Variants in STAB2 observed in about 807,000 individuals in gnomAD.
The protein encoded by STAB2 is stabilin-2.
STAB2 carries 288 observed loss-of-function variants against 338.1 expected under a neutral mutation model. The ratio of observed to expected loss-of-function variants is 0.85; its 90% CI spans 0.77 to 0.94. The LOEUF (loss-of-function observed/expected upper bound fraction) is 0.94, where lower values mean the gene tolerates loss of function less well. Among genes scored for constraint, STAB2 ranks in the 40% least tolerant of loss-of-function variants. The pLI is 0.00. For missense variants in STAB2, 3,141 were observed against 3,210.1 expected (o/e 0.98, Z 0.52); for synonymous variants, 1,202 against 1,193.3 (o/e 1.01, Z -0.15).
chr12:103,637,220 TG>T lies in STAB2; in HGVS notation c.695del (p.Gly232AlafsTer91). 1 of 1,611,774 alleles carries T rather than the reference TG, an allele frequency of 6.2e-7. No individual in the cohort carries two copies. ...AATGCCTTCCCAATTACCGAGGCGA[TG>T]GCAAATACTGCGACCGTGAGTAGAA... Reference protein sequence around the residue: ...CKCLPNYRGDGKYCDPINPCL... With the variant: ...CKCLPNYRGDXKYCDPINPCL... On this transcript the variant is annotated frameshift_variant, in exon 7 of 69. Transcript: ENST00000388887. LOFTEE classifies it high-confidence loss of function.
In STAB2 at chr12:103,733,036, C is replaced by G. The variant is rs1475882776; in HGVS notation, c.5314C>G (p.Pro1772Ala). Residue 1772 changes from proline (P) to alanine (A), a missense_variant, in exon 51 of 69, where the codon CCC becomes GCC. Transcript: ENST00000388887. ...AGGTTTGCTGAGTGTCATCACCGAT[C>G]CCATCCACACCCCAGTCACTCTCTT... ...DSGLLSVITDPIHTPVTLFWP... is the reference protein window; with the variant it reads ...DSGLLSVITDAIHTPVTLFWP... 1 of 1,613,906 alleles carries G rather than the reference C, an allele frequency of 6.2e-7. No individual in the cohort carries two copies. The highest frequency in any genetic ancestry group is 8.5e-7 in the Non-Finnish European group (1 of 1,179,960).
At chr12:103,671,811 C>T (rs1221576648) in intron 22 of STAB2, among the ~76,000 whole-genome samples, 1 of 152,126 alleles carries the variant, frequency 6.6e-6, no homozygotes, top group Non-Finnish European at 1.5e-5. Flanking sequence ...TAAAGTTATG[C>T]AACCTCAGAA....
chr12:103,631,904 A>G (rs1238010255), intron 6 of STAB2, among the ~76,000 whole-genome samples: 1 of 152,168 alleles, frequency 6.6e-6, no homozygotes, highest in African/African-American at 2.4e-5. Flanking sequence ...AACAGAAGCA[A>G]TGTGGTGTCA....
intron 5 of STAB2, among the ~76,000 whole-genome samples, chr12:103,623,978 A>G (rs974568057): frequency 6.6e-6 from 1 of 152,192 alleles, no homozygotes; most frequent in Non-Finnish European, 1.5e-5. Context: ...TGCTAGATCC[A>G]CGTCTCCCAA....
rs190903537 is a variant in STAB2, at chr12:103,695,746, C to T, written c.3484C>T (p.Leu1162=). Reference sequence around the variant, plus strand: ...TCTCTTTCCATCGCAGCAATATAATCTGGCGAATGCAATTGAGGCTGCCGA... The same window carrying T: ...TCTCTTTCCATCGCAGCAATATAATTTGGCGAATGCAATTGAGGCTGCCGA... ...IFRGYIIQYN[L]ANAIEAADAY... Residue 1162 remains leucine (L), a synonymous_variant, in exon 33 of 69, where the codon CTG becomes TTG. Transcript: ENST00000388887. 2.5e-6 allele frequency: 4 copies of T among 1,614,096 alleles called. No homozygotes were observed. The Admixed American group carries it at 6.7e-5, about 27-fold the overall frequency.
chr12:103,729,057 A>G (rs2076169556), intron 48 of STAB2, 62 bp downstream of exon 48: 5 of 1,552,674 alleles, frequency 3.2e-6, no homozygotes, highest in Non-Finnish European at 4.4e-6. Flanking sequence ...AGGAACCTGG[A>G]TGGAGCTGGA....
chr12:103,757,996 A>AT, intron 63 of STAB2, 174 bp from the exon 64 acceptor site: 1 of 901,510 alleles, frequency 1.1e-6, no homozygotes, highest in Non-Finnish European at 1.6e-6. Context: ...GAGGAAAGGA[A>AT]AAGTCCTCAA....
At chr12:103,691,807 C>G (rs12312635) in intron 30 of STAB2, among the ~76,000 whole-genome samples, 22 of 150,084 alleles carry the variant, frequency 1.5e-4, no homozygotes, top group African/African-American at 5.4e-4. Context: ...GGGAGTTGCT[C>G]AGAGTGAGAC....
intron 3 of STAB2, among the ~76,000 whole-genome samples, chr12:103,605,819 T>A (rs988787204): frequency 6.6e-6 from 1 of 152,050 alleles, no homozygotes; most frequent in South Asian, 2.1e-4. Flanking sequence ...GTGTGCTTTT[T>A]TCTCTCCTTT....
chr12:103,733,292 G>C, intron 51 of STAB2, 110 bp downstream of exon 51: 1 of 1,315,294 alleles, frequency 7.6e-7, no homozygotes. Flanking sequence ...TGTCACCACT[G>C]TATGCAGGAA....
intron 60 of STAB2, 92 bp downstream of exon 60, chr12:103,750,812 C>T (rs561168212): frequency 1.4e-6 from 2 of 1,449,560 alleles, no homozygotes; most frequent in Admixed American, 2.5e-5. Flanking sequence ...CAAAACAGGC[C>T]AAGCCTGGTG....
chr12:103,748,571 T>C (rs914459198), intron 58 of STAB2, among the ~76,000 whole-genome samples: 1 of 149,678 alleles, frequency 6.7e-6, no homozygotes, highest in Non-Finnish European at 1.5e-5. Context: ...CTCAATATTG[T>C]ACTAACTCTA....
At chr12:103,756,085 T>TA (rs1884084162) in intron 63 of STAB2, among the ~76,000 whole-genome samples, 1 of 144,128 alleles carries the variant, frequency 6.9e-6, no homozygotes, top group Non-Finnish European at 1.6e-5. Context: ...GTGGAACAGT[T>TA]TAAGAGCATG....
At position 103,763,553 on chromosome 12, in the gene STAB2, C is replaced by A; in HGVS notation, c.7550C>A (p.Pro2517His). Residue 2517 changes from proline (P) to histidine (H), a missense_variant, in exon 68 of 69, where the codon CCC (proline) becomes CAC (histidine). Transcript: ENST00000388887. The part of the protein sequence containing the change: ...GKQQPENISN[P>H]LYESTTSAPP... The stretch of plus-strand genomic sequence containing the variant: ...CAGCAGCCTGAGAATATCTCGAACC[C>A]CTTGTATGAGAGCACAACCTCAGCT... The A allele has an allele frequency of 1.9e-6, 3 of 1,614,070 alleles. No homozygotes were observed. Among genetic ancestry groups the A allele is most frequent in the Non-Finnish European group, 2.5e-6 (3 of 1,179,982 alleles).
At chr12:103,685,441 T>TGCGC (rs111647018) in intron 27 of STAB2, among the ~76,000 whole-genome samples, 1 of 149,018 alleles carries the variant, frequency 6.7e-6, no homozygotes, top group Admixed American at 6.7e-5. Context: ...TGTGTGTGTG[T>TGCGC]GTGTGTGTGT....
intron 38 of STAB2, among the ~76,000 whole-genome samples, chr12:103,707,879 G>C (rs1422506008): frequency 1.3e-5 from 2 of 152,154 alleles, no homozygotes; most frequent in Admixed American, 1.3e-4. Context: ...GTAATTATCT[G>C]CTTGCATTTG....
chr12:103,737,590 C>CTG, intron 52 of STAB2, 44 bp from the exon 53 acceptor site: 1 of 1,386,270 alleles, frequency 7.2e-7, no homozygotes, highest in Non-Finnish European at 9.7e-7. Flanking sequence ...CTCTCTCTCT[C>CTG]TCTCTCTCTC....
intron 10 of STAB2, among the ~76,000 whole-genome samples, chr12:103,649,667 T>G (rs1170327370): frequency 6.6e-6 from 1 of 152,186 alleles, no homozygotes; most frequent in East Asian, 1.9e-4. Context: ...ATCTTAAGGT[T>G]AAATATCCCA....
chr12:103,637,058 T>C, intron 6 of STAB2, 53 bp from the exon 7 acceptor site: 1 of 1,533,942 alleles, frequency 6.5e-7, no homozygotes, highest in African/African-American at 1.4e-5. Context: ...TTTGGGGGTC[T>C]TAAGAACTGG....
Sources: gnomAD v4.1 joint callset for allele counts (sites outside exome capture counted in the v4.1 genomes callset) on GRCh38, gnomAD v4.1.1 for gene constraint, MANE v1.5 for transcripts, NCBI Gene and HGNC (gene_info 2026-07-23, HGNC 2026-07-21) for gene names.